TTBK1: variants seen among roughly 807,000 people sequenced by gnomAD.
The protein encoded by TTBK1 is tau-tubulin kinase 1.
A neutral mutation model predicts 108.5 loss-of-function variants in TTBK1; 34 were observed. The observed-to-expected ratio is 0.31, with a 90% CI of 0.24 to 0.42. The LOEUF is 0.42. TTBK1 is among the 10% of genes least tolerant of loss of function. The probability of loss-of-function intolerance (pLI) is 1.00; values close to 1 mark genes in which losing one functional copy is unlikely to be tolerated. For missense variants in TTBK1, 1,539 were observed against 1,826.0 expected, an observed-to-expected ratio of 0.84 and a Z score of 2.86; for synonymous variants, 809 against 795.1, an observed-to-expected ratio of 1.02 and a Z score of -0.29.
chr6:43,254,464 C>A (rs1777330608), intron 5 of TTBK1, 83 bp from the exon 6 acceptor site: 3 of 941,606 alleles, frequency 3.2e-6, no homozygotes, highest in Non-Finnish European at 4.7e-6. Context: ...CCTTCACCAG[C>A]TGCAGAGCTG....
intron 12 of TTBK1, among the ~76,000 whole-genome samples, chr6:43,262,104 G>A (rs1255886872): frequency 6.6e-6 from 1 of 152,174 alleles, no homozygotes; most frequent in African/African-American, 2.4e-5. Context: ...GTGGGGAGAG[G>A]CTACATTGGG....
At chr6:43,255,165 C>A in intron 7 of TTBK1, 51 bp downstream of exon 7, 2 of 351,472 alleles carry the variant, frequency 5.7e-6, no homozygotes, top group South Asian at 2.5e-5. Context: ...GGGGCAAGGT[C>A]GGGGTGCAGT....
intron 12 of TTBK1, 69 bp from the exon 13 acceptor site, chr6:43,262,720 C>T: frequency 1.4e-6 from 2 of 1,418,440 alleles, no homozygotes; most frequent in South Asian, 1.5e-5. Flanking sequence ...CCCCACCCTG[C>T]CGCTGGCGTG....
In TTBK1 at chr6:43,259,035, C is replaced by A; in HGVS notation, c.1017-3C>A. 6.2e-7 allele frequency: 1 copy of A among 1,609,444 alleles called. No individual in the cohort carries two copies. The highest frequency in any genetic ancestry group is 8.5e-7 in the Non-Finnish European group (1 of 1,177,312). On this transcript the variant is annotated splice_polypyrimidine_tract_variant and splice_region_variant and intron_variant, in intron 10 of 14. Transcript: ENST00000259750. The surrounding 1 kb of genome is among the most constrained non-coding windows in gnomAD (Gnocchi z 6.7). ...GCCCATGGCTCCCTCCTGCCCTCTC[C>A]AGGGTGGTCAATGTGACGCCAGTGC... is the stretch of plus-strand genomic sequence containing the variant.
rs1256859302 is a variant in TTBK1 at position 43,263,737 on chromosome 6, G to A, written c.1986+387G>A. Among the ~76,000 whole-genome samples the A allele has an allele frequency of 6.6e-6, 1 of 152,226 alleles. No individual in the cohort carries two copies. The highest frequency in any genetic ancestry group is 1.5e-5 in the Non-Finnish European group (1 of 68,028). On this transcript the variant is annotated intron_variant, in intron 13 of 14. Transcript: ENST00000259750. This position sits in a 1 kb window ranked among gnomAD's most constrained non-coding sequence, Gnocchi z 4.7. ...TGGGCCCTGCCACGGAGGGACTTGG[G>A]GCTATACTAAGGGGCCAGGACTTGA...
chr6:43,255,511 G>C (rs1381855115), intron 7 of TTBK1, 41 bp from the exon 8 acceptor site: 1 of 1,532,804 alleles, frequency 6.5e-7, no homozygotes, highest in Non-Finnish European at 8.9e-7. Flanking sequence ...TCCCAGGGAA[G>C]GACCTGAGAG....
intron 2 of TTBK1, among the ~76,000 whole-genome samples, chr6:43,251,280 A>C (rs1159250452): frequency 1.3e-5 from 2 of 152,210 alleles, no homozygotes; most frequent in African/African-American, 4.8e-5. Context: ...GGGCGGGTTC[A>C]GAGATGCAGG....
chr6:43,280,363 C>T (rs1202151128), intron 13 of TTBK1, among the ~76,000 whole-genome samples: 1 of 152,130 alleles, frequency 6.6e-6, no homozygotes, highest in African/African-American at 2.4e-5. Context: ...CCAATGACCT[C>T]CAAACCAAGG....
Position 43,253,750 on chromosome 6 carries a change from A to C in TTBK1, c.471+42A>C, listed in dbSNP as rs755679684. 6.3e-7 allele frequency: 1 copy of C among 1,580,736 alleles called. No individual in the cohort carries two copies. The highest frequency in any genetic ancestry group is 8.6e-7 in the Non-Finnish European group (1 of 1,163,030). ...CACGCCTCTCTGTTCCCTCCTCCAG[A>C]ACACACCCCTAATTCTTTCCCTGGG... On this transcript the variant is annotated intron_variant, in intron 5 of 14. Transcript: ENST00000259750. This position sits in a 1 kb window ranked among gnomAD's most constrained non-coding sequence, Gnocchi z 5.8.
rs1000285977 is a variant in TTBK1 at position 43,282,051 on chromosome 6, C to T, written c.1987-676C>T. Among the ~76,000 whole-genome samples, 4 of 152,214 alleles carry T rather than the reference C, an allele frequency of 2.6e-5. No homozygotes were observed. Among genetic ancestry groups the T allele is most frequent in the African/African-American group, 9.6e-5 (4 of 41,454 alleles). The stretch of plus-strand genomic sequence containing the variant: ...TGGAATGGAGCTCAAGTATACCTGT[C>T]GAGGGCTGGACAAATTCCTGGCTGA... On this transcript the variant is annotated intron_variant, in intron 13 of 14. Coordinates refer to ENST00000259750, the MANE Select transcript of TTBK1 (RefSeq NM_032538.3). The surrounding 1 kb of genome is among the most constrained non-coding windows in gnomAD (Gnocchi z 5.4).
intron 1 of TTBK1, among the ~76,000 whole-genome samples, chr6:43,245,645 G>T (rs931412407): frequency 6.6e-6 from 1 of 152,054 alleles, no homozygotes; most frequent in Non-Finnish European, 1.5e-5. Context: ...CCGGTAACAT[G>T]TGCCTGTCTT....
At chr6:43,271,537 C>T in intron 13 of TTBK1, 4 of 985,340 alleles carry the variant, frequency 4.1e-6, no homozygotes, top group Non-Finnish European at 4.8e-6. Flanking sequence ...CCCCTCTCTC[C>T]CTGTAACCTC....
intron 13 of TTBK1, chr6:43,270,452 T>TCC (rs1777801943): frequency 1.0e-6 from 1 of 989,084 alleles, no homozygotes; most frequent in Non-Finnish European, 1.2e-6. Context: ...TGTGTGTGTG[T>TCC]GTGTGTCCCT....
chr6:43,246,176 T>A (rs1238978759), intron 1 of TTBK1, among the ~76,000 whole-genome samples: 1 of 152,196 alleles, frequency 6.6e-6, no homozygotes, highest in African/African-American at 2.4e-5. Flanking sequence ...GTAGCAGGTC[T>A]TCCCTTTTCA....
intron 2 of TTBK1, among the ~76,000 whole-genome samples, chr6:43,250,483 G>A (rs568871585): frequency 3.3e-5 from 5 of 151,202 alleles, no homozygotes; most frequent in African/African-American, 1.2e-4. Context: ...CAGCATCCCA[G>A]GTAGCTGGGA....
rs544557329 is a variant in TTBK1 at position 43,269,859 on chromosome 6, G to C, written c.1986+6509G>C. The C allele has an allele frequency of 2.9e-3, 4,461 of 1,533,610 alleles. 13 individuals are homozygous for C. Among genetic ancestry groups the C allele is most frequent in the Non-Finnish European group, 3.5e-3 (3,992 of 1,145,442 alleles). On this transcript the variant is annotated intron_variant, in intron 13 of 14. Coordinates refer to ENST00000259750, the MANE Select transcript of TTBK1 (RefSeq NM_032538.3). The surrounding 1 kb of genome is among the most constrained non-coding windows in gnomAD (Gnocchi z 4.8). ...GCCCCACCGGCGCCACGCGCCCCTC[G>C]CTGCTGGCAACCACAGACTCATGCC...
chr6:43,254,413 C>G, intron 5 of TTBK1, 134 bp from the exon 6 acceptor site: 2 of 590,986 alleles, frequency 3.4e-6, no homozygotes, highest in Non-Finnish European at 5.9e-6. Context: ...CATGTGAATA[C>G]TGACGTTTCC....
At chr6:43,247,540 G>A (rs889645183) in intron 2 of TTBK1, among the ~76,000 whole-genome samples, 2 of 152,170 alleles carry the variant, frequency 1.3e-5, no homozygotes, top group African/African-American at 4.8e-5. Context: ...GGGCGGCAGT[G>A]TGGGGAAACC....
rs190139253 is a variant in TTBK1, at chr6:43,269,484, G to A, written c.1986+6134G>A. ...GCCTAGATTCTGAGGCAGGACCTTG[G>A]GGCGGGTGGTTTGCACCCTCCTCCA... is the stretch of plus-strand genomic sequence containing the variant. On this transcript the variant is annotated intron_variant, in intron 13 of 14. Coordinates refer to ENST00000259750, the MANE Select transcript of TTBK1 (RefSeq NM_032538.3). This position sits in a 1 kb window ranked among gnomAD's most constrained non-coding sequence, Gnocchi z 4.8. 1.7e-3 allele frequency among the ~76,000 whole-genome samples: 263 copies of A among 152,318 alleles called. No homozygotes were observed. The highest frequency in any genetic ancestry group is 6.0e-3 in the African/African-American group (251 of 41,582).
Sources: allele counts gnomAD v4.1 joint callset (sites outside exome capture counted in the v4.1 genomes callset), GRCh38; gene constraint gnomAD v4.1.1; non-coding constraint Gnocchi (gnomAD v3.1); transcripts MANE v1.5; gene names NCBI Gene and HGNC (gene_info 2026-07-23, HGNC 2026-07-21).